CTNNA3: variants seen among roughly 807,000 people sequenced by gnomAD.
The protein encoded by CTNNA3 is catenin alpha 3.
In CTNNA3, 76 loss-of-function variants were observed where a neutral mutation model predicts 95.7. The observed-to-expected ratio is 0.79, with a 90% confidence interval of 0.66 to 0.96. The LOEUF is 0.96. CTNNA3 is among the 40% of genes least tolerant of loss of function. The probability of loss-of-function intolerance (pLI) is 0.00; values close to 1 mark genes in which losing one functional copy is unlikely to be tolerated. For synonymous variants in CTNNA3, 431 were observed against 374.4 expected, an observed-to-expected ratio of 1.15 and a Z score of -1.74; for missense variants, 1,191 against 1,089.8, an observed-to-expected ratio of 1.09 and a Z score of -1.31.
intron 10 of CTNNA3, among the ~76,000 whole-genome samples, chr10:66,556,080 G>C (rs941737743): frequency 2.0e-5 from 3 of 151,842 alleles, no homozygotes; most frequent in African/African-American, 7.3e-5. Flanking sequence ...TCCCAAAAAG[G>C]CATAAAAGTG....
Position 67,597,495 on chromosome 10 carries a change from C to A in CTNNA3, c.292+9362G>T, listed in dbSNP as rs74142847. ...GACTGTGGTATAAGTTGGATTTGGT[C>A]AACTGGCTTCATTTCTGGATGATTT... On this transcript the variant is annotated intron_variant, in intron 3 of 17. Transcript: ENST00000433211. Among the ~76,000 whole-genome samples, 886 of 152,240 alleles carry A rather than the reference C, an allele frequency of 5.8e-3. 6 individuals are homozygous for A. Among genetic ancestry groups the A allele is most frequent in the African/African-American group, 0.02 (848 of 41,536 alleles).
chr10:67,209,047 G>T (rs567642666), intron 6 of CTNNA3, among the ~76,000 whole-genome samples: 111 of 108,004 alleles, frequency 1.0e-3, no homozygotes, highest in African/African-American at 4.5e-3. Context: ...GTTATTTTTT[G>T]TTGTTGTTGT....
chr10:65,934,271 T>C (rs575500501), intron 17 of CTNNA3, among the ~76,000 whole-genome samples: 14 of 152,312 alleles, frequency 9.2e-5, no homozygotes, highest in South Asian at 4.1e-4. Flanking sequence ...ATCAGTCTCT[T>C]AGATGAGGTT....
chr10:66,164,327 A>C (rs183478640), intron 13 of CTNNA3, among the ~76,000 whole-genome samples: 69 of 152,058 alleles, frequency 4.5e-4, no homozygotes, highest in Non-Finnish European at 7.2e-4. Context: ...ATTGTAGTAG[A>C]TATATTCTGC....
rs557466143 is a variant in CTNNA3 at position 67,237,497 on chromosome 10, G to C, written c.580-17627C>G. 4.0e-5 allele frequency among the ~76,000 whole-genome samples: 6 copies of C among 151,484 alleles called. No individual in the cohort carries two copies. The South Asian group carries it at 1.3e-3, about 32-fold the overall frequency. On this transcript the variant is annotated intron_variant, in intron 5 of 17. Transcript: ENST00000433211. Reference sequence around the variant, plus strand: ...AGTCACCACCAAAGAACTTACTCTAGTAACCAAATACCACCTATTCCCCAA... The same window carrying C: ...AGTCACCACCAAAGAACTTACTCTACTAACCAAATACCACCTATTCCCCAA...
chr10:67,344,089 A>C (rs544670120), intron 5 of CTNNA3, among the ~76,000 whole-genome samples: 1 of 151,958 alleles, frequency 6.6e-6, no homozygotes, highest in East Asian at 1.9e-4. Context: ...TTTCAATTGA[A>C]ATGAATGTAT....
intron 9 of CTNNA3, among the ~76,000 whole-genome samples, chr10:66,714,729 C>G (rs1052999811): frequency 3.9e-5 from 6 of 152,076 alleles, no homozygotes; most frequent in Admixed American, 3.9e-4. Context: ...GGAGGTGGGG[C>G]CCAGCCATCT....
intron 11 of CTNNA3, among the ~76,000 whole-genome samples, chr10:66,453,975 G>A (rs1264121753): frequency 6.6e-6 from 1 of 152,132 alleles, no homozygotes; most frequent in Non-Finnish European, 1.5e-5. Context: ...TAAAGATAGG[G>A]AGCTTATCCT....
chr10:67,286,934 C>G (rs1024510766), intron 5 of CTNNA3, among the ~76,000 whole-genome samples: 1 of 152,114 alleles, frequency 6.6e-6, no homozygotes, highest in African/African-American at 2.4e-5. Context: ...AAACCCTTAC[C>G]CTAGCTGCAA....
chr10:66,146,220 T>C (rs1015159834), intron 13 of CTNNA3, among the ~76,000 whole-genome samples: 6 of 152,164 alleles, frequency 3.9e-5, no homozygotes, highest in Admixed American at 3.9e-4. Context: ...AAATTCAAAA[T>C]ACTGGCCCTT....
At chr10:66,494,151 A>T (rs899124593) in intron 11 of CTNNA3, among the ~76,000 whole-genome samples, 1 of 150,938 alleles carries the variant, frequency 6.6e-6, no homozygotes, top group African/African-American at 2.4e-5. Flanking sequence ...CAGGTGATCC[A>T]CCCGCCTCGA....
chr10:66,506,237 C>A (rs1434225976), intron 11 of CTNNA3, among the ~76,000 whole-genome samples: 3 of 152,184 alleles, frequency 2.0e-5, no homozygotes, highest in Admixed American at 6.6e-5. Flanking sequence ...TTAGGCACTG[C>A]ATTCAACACT....
At chr10:67,264,646 C>T (rs1340014838) in intron 5 of CTNNA3, among the ~76,000 whole-genome samples, 2 of 152,136 alleles carry the variant, frequency 1.3e-5, no homozygotes, top group Non-Finnish European at 2.9e-5. Flanking sequence ...GATTTAGATT[C>T]CCACCTGTCT....
chr10:66,336,915 C>CTGTT (rs1386046943), intron 12 of CTNNA3, among the ~76,000 whole-genome samples: 3 of 152,018 alleles, frequency 2.0e-5, no homozygotes, highest in Admixed American at 1.3e-4. Context: ...GTCTTTTTCA[C>CTGTT]TGTTAGGCTC....
At chr10:65,970,659 A>T (rs1268851237) in intron 16 of CTNNA3, among the ~76,000 whole-genome samples, 1 of 148,506 alleles carries the variant, frequency 6.7e-6, no homozygotes, top group South Asian at 2.1e-4. Flanking sequence ...TTTAAAATAT[A>T]TTTAAAATAT....
rs566098425 is a variant in CTNNA3 at position 67,068,227 on chromosome 10, T to C, written c.1047+112090A>G. 4.6e-5 allele frequency among the ~76,000 whole-genome samples: 7 copies of C among 152,010 alleles called. No individual in the cohort carries two copies. In the South Asian group the frequency reaches 1.5e-3, roughly 32 times the overall value. ...AAGAAGGTGGATTGGACCTGGGAAG[T>C]GACTGGATGTGGAAAGAGGAAAGGG... On this transcript the variant is annotated intron_variant, in intron 7 of 17. Coordinates refer to ENST00000433211, the MANE Select transcript of CTNNA3 (RefSeq NM_013266.4).
In CTNNA3 at chr10:67,733,881, C is replaced by A. The variant is rs1841289282; in HGVS notation, c.-2+29553G>T. 3.9e-5 allele frequency among the ~76,000 whole-genome samples: 6 copies of A among 152,140 alleles called. No homozygotes were observed. In the South Asian group the frequency reaches 1.2e-3, roughly 31 times the overall value. On this transcript the variant is annotated intron_variant, in intron 1 of 17. Transcript: ENST00000684154. ...GAGATTAAAAAATAGCAAAAGATGC[C>A]ACAGTCCCTATCCTTCAGAAATTTA... is the stretch of plus-strand genomic sequence containing the variant.
chr10:66,131,915 A>G (rs566202655), intron 13 of CTNNA3, among the ~76,000 whole-genome samples: 1 of 152,346 alleles, frequency 6.6e-6, no homozygotes, highest in Non-Finnish European at 1.5e-5. Context: ...AATAGATTAA[A>G]GACTTAAATG....
At chr10:66,911,750 C>T (rs910054328) in intron 7 of CTNNA3, among the ~76,000 whole-genome samples, 6 of 152,102 alleles carry the variant, frequency 3.9e-5, no homozygotes, top group African/African-American at 1.4e-4. Context: ...GCCTTTATGT[C>T]ACTACTACTT....
Sources: allele counts gnomAD v4.1 joint callset (sites outside exome capture counted in the v4.1 genomes callset), GRCh38; gene constraint gnomAD v4.1.1; transcripts MANE v1.5; gene names NCBI Gene and HGNC (gene_info 2026-07-23, HGNC 2026-07-21).